TENM1: variants seen among roughly 807,000 people sequenced by gnomAD.
TENM1 encodes the protein teneurin transmembrane protein 1.
TENM1 carries 35 observed loss-of-function variants against 174.8 expected under a neutral mutation model. The ratio of observed to expected loss-of-function variants is 0.20; its 90% CI spans 0.15 to 0.27. The LOEUF (loss-of-function observed/expected upper bound fraction) is 0.27, where lower values mean the gene tolerates loss of function less well. TENM1 is among the 10% of genes least tolerant of loss of function. TENM1 has a pLI of 1.00. For missense variants in TENM1, 1,633 were observed against 2,130.1 expected (o/e 0.77, Z 4.59); for synonymous variants, 781 against 798.7 (o/e 0.98, Z 0.37).
At chrX:125,157,824 C>A in the TENM1 span, among the ~76,000 whole-genome samples, 1 of 111,788 alleles carries the variant, frequency 8.9e-6, no homozygotes, top group Non-Finnish European at 1.9e-5. Context: ...TTCACTTAAA[C>A]ACATACCCGA....
At chrX:124,924,348 G>A (rs1289593235) in intron 1 of TENM1, among the ~76,000 whole-genome samples, 1 of 111,572 alleles carries the variant, frequency 9.0e-6, no homozygotes, top group Admixed American at 9.5e-5. Flanking sequence ...ATAACATGAG[G>A]ATTGGACCTA....
At chrX:124,997,200 T>G in the TENM1 span, among the ~76,000 whole-genome samples, 49 of 111,968 alleles carry the variant, frequency 4.4e-4, no homozygotes, top group Non-Finnish European at 8.3e-4. Flanking sequence ...CAATTACAAC[T>G]GTATTCCAAT....
exon 10 of TENM1, chrX:124,645,334 G>T (rs747624407): frequency 6.7e-6 from 8 of 1,202,259 alleles, no homozygotes; most frequent in Non-Finnish European, 9.0e-6. Flanking sequence ...CACAGGGCAG[G>T]AATCTGAAGG....
chrX:124,431,034 GTTTATAGTC>G (rs762554293), intron 23 of TENM1, among the ~76,000 whole-genome samples: 1 of 111,827 alleles, frequency 8.9e-6, no homozygotes, highest in East Asian at 2.8e-4. Flanking sequence ...CCCTCATAAT[GTTTATAGTC>G]TTTTGCTGAC....
intron 22 of TENM1, among the ~76,000 whole-genome samples, chrX:124,464,655 G>A (rs1260905203): frequency 8.9e-6 from 1 of 111,943 alleles, no homozygotes; most frequent in Non-Finnish European, 1.9e-5. Flanking sequence ...AGACGTTTGG[G>A]AGAACTGATT....
intron 23 of TENM1, among the ~76,000 whole-genome samples, chrX:124,438,534 A>G (rs138108202): frequency 0.012 from 1,287 of 111,689 alleles, 26 homozygotes; most frequent in African/African-American, 0.039. Flanking sequence ...CTGGTGCTTA[A>G]TAGTTTTAAT....
At chrX:124,893,071 T>G (rs1359884834) in intron 3 of TENM1, among the ~76,000 whole-genome samples, 1 of 111,953 alleles carries the variant, frequency 8.9e-6, no homozygotes, top group Non-Finnish European at 1.9e-5. Flanking sequence ...TCAAACCAAC[T>G]CCTCAAGGAT....
chrX:124,534,059 T>G (rs2048160815), intron 15 of TENM1, among the ~76,000 whole-genome samples: 1 of 111,901 alleles, frequency 8.9e-6, no homozygotes, highest in Non-Finnish European at 1.9e-5. Flanking sequence ...GTGTCTTTTT[T>G]CCTGTTCTCT....
At chrX:124,755,418 C>G (rs1348275039) in intron 3 of TENM1, among the ~76,000 whole-genome samples, 3 of 111,149 alleles carry the variant, frequency 2.7e-5, no homozygotes, top group African/African-American at 9.9e-5. Flanking sequence ...ATACAGCACA[C>G]TGATGGGTCT....
At chrX:124,438,750 T>G (rs1298534316) in intron 23 of TENM1, among the ~76,000 whole-genome samples, 1 of 111,743 alleles carries the variant, frequency 8.9e-6, no homozygotes, top group Non-Finnish European at 1.9e-5. Flanking sequence ...TGGCCTGCTG[T>G]TCTCTACTTA....
chrX:124,486,294 A>G (rs1053819006), intron 21 of TENM1, among the ~76,000 whole-genome samples: 1 of 112,485 alleles, frequency 8.9e-6, no homozygotes, highest in African/African-American at 3.2e-5. Flanking sequence ...TCTTCAACTT[A>G]GCAAAGATCA....
intron 29 of TENM1, 78 bp from the exon 33 acceptor site, chrX:124,384,932 T>G: frequency 3.2e-6 from 3 of 923,705 alleles, no homozygotes. Flanking sequence ...TGTTATTTTA[T>G]TTAGTACTGG....
chrX:124,854,380 A>T (rs1165526048), intron 3 of TENM1, among the ~76,000 whole-genome samples: 1 of 111,088 alleles, frequency 9.0e-6, no homozygotes, highest in Admixed American at 9.6e-5. Context: ...GGTGAAGGAT[A>T]AAAGACATTG....
At chrX:124,415,659 G>T (rs963871375) in intron 25 of TENM1, among the ~76,000 whole-genome samples, 1 of 111,448 alleles carries the variant, frequency 9.0e-6, no homozygotes, top group Admixed American at 9.5e-5. Context: ...AAAATTTCAT[G>T]ACTACCCCCA....
At chrX:124,699,255 T>G (rs1290649351) in intron 5 of TENM1, among the ~76,000 whole-genome samples, 1 of 110,969 alleles carries the variant, frequency 9.0e-6, no homozygotes, top group Non-Finnish European at 1.9e-5. Flanking sequence ...TTTGCATGAT[T>G]GATTCTTACT....
chrX:125,156,402 C>G, the TENM1 span, among the ~76,000 whole-genome samples: 2 of 111,931 alleles, frequency 1.8e-5, no homozygotes, highest in Admixed American at 9.5e-5. Context: ...TCAGTCCTCA[C>G]ACTCTTCCCA....
chrX:125,090,125 T>A, the TENM1 span, among the ~76,000 whole-genome samples: 1 of 111,976 alleles, frequency 8.9e-6, no homozygotes, highest in Non-Finnish European at 1.9e-5. Flanking sequence ...ATGTTGTTTA[T>A]TCTTTCAAGT....
the TENM1 span, among the ~76,000 whole-genome samples, chrX:124,988,207 CA>C: frequency 9.0e-6 from 1 of 111,325 alleles, no homozygotes; most frequent in Non-Finnish European, 1.9e-5. Flanking sequence ...CAGGCTTGAC[CA>C]ATTTCTAACT....
chrX:124,429,629 CAT>C (rs1368145838), intron 23 of TENM1, among the ~76,000 whole-genome samples: 2 of 111,446 alleles, frequency 1.8e-5, no homozygotes, highest in Non-Finnish European at 3.8e-5. Context: ...AGCATGAAAT[CAT>C]ATGAGAGTGA....
Sources: allele counts gnomAD v4.1 joint callset (sites outside exome capture counted in the v4.1 genomes callset), GRCh38; gene constraint gnomAD v4.1.1; transcripts MANE v1.5; gene names NCBI Gene and HGNC (gene_info 2026-07-23, HGNC 2026-07-21).